The following MELK variants were observed in gnomAD, a reference collection of about 807,000 sequenced individuals.
The protein encoded by MELK is maternal embryonic leucine zipper kinase, also known as pEg3 kinase.
In MELK, 81 loss-of-function variants were observed where a neutral mutation model predicts 85.0. The observed-to-expected ratio is 0.95, with a 90% confidence interval of 0.80 to 1.15. The LOEUF (loss-of-function observed/expected upper bound fraction) is 1.15, where lower values mean the gene tolerates loss of function less well. Ranked by LOEUF, MELK falls within the 50% of genes most tolerant of loss-of-function variation. MELK has a pLI of 0.00. For missense variants in MELK, 754 were observed against 777.5 expected, an observed-to-expected ratio of 0.97 and a Z score of 0.36; for synonymous variants, 252 against 265.0, an observed-to-expected ratio of 0.95 and a Z score of 0.48.
intron 7 of MELK, among the ~76,000 whole-genome samples, chr9:36,604,778 G>A (rs1057408310): frequency 1.3e-5 from 2 of 151,908 alleles, no homozygotes; most frequent in African/African-American, 2.4e-5. Flanking sequence ...CGAATTGCTG[G>A]AATTATAGGC....
At chr9:36,628,090 G>A (rs1463533816) in intron 8 of MELK, among the ~76,000 whole-genome samples, 5 of 151,176 alleles carry the variant, frequency 3.3e-5, no homozygotes, top group African/African-American at 1.2e-4. Flanking sequence ...TAGTAGAGAC[G>A]GGGTTTCACC....
chr9:36,636,782 T>TTCTTTCTG (rs71494635), intron 10 of MELK, among the ~76,000 whole-genome samples: 12,581 of 106,938 alleles, frequency 0.12, 848 homozygotes, highest in Admixed American at 0.15. Flanking sequence ...CTTTCTTTCT[T>TTCTTTCTG]TCTGTCTGTC....
Position 36,669,412 on chromosome 9 carries a change from T to A in MELK, c.1505+6T>A. 4 of 1,580,586 alleles carry A rather than the reference T, an allele frequency of 2.5e-6. No homozygotes were observed. The highest frequency in any genetic ancestry group is 2.3e-5 in the South Asian group (2 of 85,270). On this transcript the variant is annotated splice_donor_region_variant and intron_variant, in intron 15 of 17. Coordinates refer to ENST00000298048, the MANE Select transcript of MELK (RefSeq NM_014791.4). ...GTCATTAGCCCTGAGAGGCGGTAAGTGTTTGGTTTTTTTAGACTCTAATCT... is the reference window on the plus strand; with the variant it reads ...GTCATTAGCCCTGAGAGGCGGTAAGAGTTTGGTTTTTTTAGACTCTAATCT...
intron 13 of MELK, among the ~76,000 whole-genome samples, chr9:36,661,936 CAAA>C (rs1174052114): frequency 1.4e-5 from 1 of 72,846 alleles, no homozygotes; most frequent in Admixed American, 1.5e-4. Flanking sequence ...GACTCCGTCT[CAAA>C]AAAAAAAAAA....
At chr9:36,670,401 A>C (rs917905337) in intron 15 of MELK, among the ~76,000 whole-genome samples, 2 of 152,134 alleles carry the variant, frequency 1.3e-5, no homozygotes, top group Middle Eastern at 3.2e-3. Context: ...AGCACACTTT[A>C]TGGTGTTGTC....
intron 8 of MELK, among the ~76,000 whole-genome samples, chr9:36,619,261 A>G (rs1024397094): frequency 6.6e-6 from 1 of 152,092 alleles, no homozygotes; most frequent in African/African-American, 2.4e-5. Context: ...TGCTGGCCTA[A>G]CTCTACGTAT....
rs1207174245 is a variant in MELK at position 36,633,161 on chromosome 9, A to C, written c.795A>C (p.Gln265His). 1 of 1,608,432 alleles carries C rather than the reference A, an allele frequency of 6.2e-7. No individual in the cohort carries two copies. Among genetic ancestry groups the C allele is most frequent in the Non-Finnish European group, 8.5e-7 (1 of 1,178,948 alleles). ...KNLLNHPWIMQDYNYPVEWQS... is the reference protein window; with the variant it reads ...KNLLNHPWIMHDYNYPVEWQS... ...TATTGAACCATCCCTGGATCATGCA[A>C]GATTACAACTATCCTGTTGAGTGGC... The change falls in exon 10 of 18, where the codon CAA becomes CAC. Residue 265 changes from glutamine (Q) to histidine (H), a missense_variant. Physicochemically the swap from Gln to His is conservative, Grantham distance 24 (BLOSUM62 0). Coordinates refer to ENST00000298048, the MANE Select transcript of MELK (RefSeq NM_014791.4).
intron 8 of MELK, among the ~76,000 whole-genome samples, chr9:36,628,029 G>A (rs550975559): frequency 1.3e-5 from 2 of 151,780 alleles, no homozygotes; most frequent in Non-Finnish European, 2.9e-5. Context: ...AGCCTCCTGA[G>A]TAGGTGGGAT....
intron 15 of MELK, 141 bp downstream of exon 15, chr9:36,669,547 C>G: frequency 1.7e-6 from 1 of 585,198 alleles, no homozygotes; most frequent in Admixed American, 3.9e-5. Context: ...GTGTGGATGA[C>G]CTGTGGCCAT....
rs1476316306 is a variant in MELK at position 36,589,534 on chromosome 9, A to G, written c.145-2A>G. 1.2e-6 allele frequency: 2 copies of G among 1,608,604 alleles called. No homozygotes were observed. Among genetic ancestry groups the G allele is most frequent in the Non-Finnish European group, 1.7e-6 (2 of 1,175,050 alleles). On this transcript the variant is annotated splice_acceptor_variant, in intron 3 of 17. Coordinates refer to ENST00000298048, the MANE Select transcript of MELK (RefSeq NM_014791.4). LOFTEE classifies it high-confidence loss of function. ...CTCATTCCATATGATGTTTTGTCAC[A>G]GAGTGATTTGCCCCGGATCAAAACG...
At chr9:36,606,357 TA>T (rs369156215) in intron 7 of MELK, among the ~76,000 whole-genome samples, 163 of 135,832 alleles carry the variant, frequency 1.2e-3, no homozygotes, top group Middle Eastern at 4.1e-3. Flanking sequence ...GGTGTGTATA[TA>T]ATATATACAT....
In MELK at chr9:36,642,418, C is replaced by CTTT. The variant is rs34671966; in HGVS notation, c.835-553_835-551dup. Among the ~76,000 whole-genome samples the CTTT allele has an allele frequency of 4.2e-3, 356 of 84,780 alleles. 33 individuals are homozygous for CTTT. The highest frequency in any genetic ancestry group is 0.015 in the African/African-American group (288 of 19,622). The allele number at this position is 84,780 out of a possible 152,430, so 55.6% of individuals were successfully genotyped here. A position where few individuals can be genotyped will look rare whatever the true frequency, so the allele number is the denominator to read the frequency against. Reference sequence around the variant, plus strand: ...ACAGTCCCTGGGCTGTACAACAGAACTTTTTTTTTTTTTTTTTTTTTTTTT... The same window carrying CTTT: ...ACAGTCCCTGGGCTGTACAACAGAACTTTTTTTTTTTTTTTTTTTTTTTTTTTT... On this transcript the variant is annotated intron_variant, in intron 10 of 17. Transcript: ENST00000298048.
At chr9:36,630,996 C>T (rs1484127700) in intron 9 of MELK, among the ~76,000 whole-genome samples, 1 of 134,616 alleles carries the variant, frequency 7.4e-6, no homozygotes, top group Non-Finnish European at 1.6e-5. Flanking sequence ...TGGAGTCTCC[C>T]TCTGTTGCCC....
intron 1 of MELK, among the ~76,000 whole-genome samples, chr9:36,580,224 T>G (rs1184311579): frequency 6.6e-6 from 1 of 151,762 alleles, no homozygotes; most frequent in Non-Finnish European, 1.5e-5. Flanking sequence ...GAGACAGGGT[T>G]TTATGATGTT....
chr9:36,627,234 G>A (rs1828030682), intron 8 of MELK, among the ~76,000 whole-genome samples: 1 of 152,074 alleles, frequency 6.6e-6, no homozygotes, highest in Non-Finnish European at 1.5e-5. Flanking sequence ...AGGTGAAGTG[G>A]AAAACAGACA....
chr9:36,610,561 C>T (rs1371720881), intron 8 of MELK, among the ~76,000 whole-genome samples: 1 of 152,252 alleles, frequency 6.6e-6, no homozygotes, highest in South Asian at 2.1e-4. Flanking sequence ...GGCCGGCCTC[C>T]TAGAGCCTGC....
At chr9:36,661,576 T>G (rs1371015051) in intron 13 of MELK, among the ~76,000 whole-genome samples, 1 of 152,048 alleles carries the variant, frequency 6.6e-6, no homozygotes, top group African/African-American at 2.4e-5. Context: ...CCTTAATAAA[T>G]AAAACAATGA....
intron 5 of MELK, among the ~76,000 whole-genome samples, chr9:36,595,238 C>G (rs1042580178): frequency 6.6e-6 from 1 of 151,760 alleles, no homozygotes; most frequent in African/African-American, 2.4e-5. Flanking sequence ...TGGGTTCACG[C>G]CATTCTCCTG....
At chr9:36,663,803 G>C (rs1202072757) in intron 13 of MELK, among the ~76,000 whole-genome samples, 3 of 152,210 alleles carry the variant, frequency 2.0e-5, no homozygotes, top group Non-Finnish European at 2.9e-5. Context: ...ATGGACACTT[G>C]GGTTGATTTT....
Sources: gnomAD v4.1 joint callset for allele counts (sites outside exome capture counted in the v4.1 genomes callset) on GRCh38, gnomAD v4.1.1 for gene constraint, MANE v1.5 for transcripts, NCBI Gene and HGNC (gene_info 2026-07-23, HGNC 2026-07-21) for gene names.